Variants in GSE1 observed in about 807,000 individuals in gnomAD.
GSE1 encodes genetic suppressor element 1.
GSE1 carries 32 observed loss-of-function variants against 112.6 expected under a neutral mutation model. The observed-to-expected ratio is 0.28, with a 90% CI of 0.21 to 0.38. The LOEUF is 0.38. GSE1 is among the 10% of genes least tolerant of loss of function. The pLI is 1.00. For missense variants in GSE1, 2,348 were observed against 1,699.2 expected, an observed-to-expected ratio of 1.38 and a Z score of -6.71; for synonymous variants, 1,115 against 735.6, an observed-to-expected ratio of 1.52 and a Z score of -8.35.
At chr16:85,242,104 G>A (rs1905215503) in intron 1 of GSE1, among the ~76,000 whole-genome samples, 2 of 152,326 alleles carry the variant, frequency 1.3e-5, no homozygotes, top group African/African-American at 4.8e-5. Flanking sequence ...TTGTGCTGGT[G>A]CTCACTGGCA....
intron 2 of GSE1, among the ~76,000 whole-genome samples, chr16:85,540,228 G>A (rs1368749225): frequency 2.0e-5 from 3 of 152,202 alleles, no homozygotes; most frequent in South Asian, 2.1e-4. Flanking sequence ...TCAGGAGGAC[G>A]TACACGTCTG....
intron 2 of GSE1, among the ~76,000 whole-genome samples, chr16:85,477,004 A>G (rs7189247): frequency 0.46 from 67,397 of 147,588 alleles, 15,891 homozygotes; most frequent in Non-Finnish European, 0.5. Flanking sequence ...TACTAACTGC[A>G]ACCTCCACTT....
At chr16:85,180,023 G>A (rs1026190219) in intron 1 of GSE1, among the ~76,000 whole-genome samples, 6 of 152,248 alleles carry the variant, frequency 3.9e-5, no homozygotes, top group African/African-American at 1.4e-4. Context: ...TTGGCGGGGG[G>A]CTGTGGGGCA....
intron 2 of GSE1, among the ~76,000 whole-genome samples, chr16:85,445,676 C>G (rs1397603145): frequency 6.6e-6 from 1 of 152,184 alleles, no homozygotes; most frequent in Non-Finnish European, 1.5e-5. Flanking sequence ...TTCTGCTTCC[C>G]TTGCAAGGCC....
chr16:85,382,043 C>G (rs1269279576), intron 2 of GSE1, among the ~76,000 whole-genome samples: 1 of 152,232 alleles, frequency 6.6e-6, no homozygotes, highest in Non-Finnish European at 1.5e-5. Flanking sequence ...CTCCACAGAG[C>G]CCCGGCTTTC....
At chr16:85,613,000 G>T (rs1051397992), upstream of GSE1, among the ~76,000 whole-genome samples, 1 of 152,202 alleles carries the variant, frequency 6.6e-6, no homozygotes, top group African/African-American at 2.4e-5. Context: ...AGAGTGTGGG[G>T]GTGGCACCTC....
intron 2 of GSE1, among the ~76,000 whole-genome samples, chr16:85,512,990 G>A (rs1343566220): frequency 6.6e-6 from 1 of 152,160 alleles, no homozygotes; most frequent in Non-Finnish European, 1.5e-5. Flanking sequence ...CTGCCATGGG[G>A]AGCTCTGGAA....
chr16:85,290,325 C>A (rs1451162911), intron 1 of GSE1, among the ~76,000 whole-genome samples: 1 of 152,220 alleles, frequency 6.6e-6, no homozygotes, highest in African/African-American at 2.4e-5. Context: ...CCCCAGGCCC[C>A]CAACCTGGAG....
intron 1 of GSE1, among the ~76,000 whole-genome samples, chr16:85,314,575 C>T (rs78234457): frequency 0.059 from 9,034 of 152,204 alleles, 327 homozygotes; most frequent in East Asian, 0.17. Context: ...CACACGTGAG[C>T]ATGTGCACAC....
chr16:85,208,603 T>A (rs12449263), intron 1 of GSE1, among the ~76,000 whole-genome samples: 64,417 of 151,978 alleles, frequency 0.42, 13,797 homozygotes, highest in Middle Eastern at 0.48. Context: ...AAGGACCAGA[T>A]TGTAGATACC....
chr16:85,280,207 G>C (rs1481197395), intron 1 of GSE1, among the ~76,000 whole-genome samples: 1 of 152,168 alleles, frequency 6.6e-6, no homozygotes, highest in East Asian at 1.9e-4. Context: ...CCTGGCCCAG[G>C]AGTCGGAGGT....
At chr16:85,445,993 C>T (rs920007561) in intron 2 of GSE1, among the ~76,000 whole-genome samples, 6 of 152,214 alleles carry the variant, frequency 3.9e-5, no homozygotes. Context: ...GGAGGTTCCA[C>T]GGGTAACGGC....
intron 2 of GSE1, among the ~76,000 whole-genome samples, chr16:85,520,716 C>G (rs1057179368): frequency 6.6e-6 from 1 of 152,078 alleles, no homozygotes; most frequent in East Asian, 1.9e-4. Flanking sequence ...AGCCACCGCG[C>G]CTAGCCCCTG....
chr16:85,571,940 A>G (rs182835173), intron 1 of GSE1, among the ~76,000 whole-genome samples: 2 of 152,252 alleles, frequency 1.3e-5, no homozygotes, highest in South Asian at 2.1e-4. Flanking sequence ...AGTGGTTTCC[A>G]TTGTCAAGTG....
chr16:85,386,042 C>T (rs1031882220), intron 2 of GSE1, among the ~76,000 whole-genome samples: 8 of 152,228 alleles, frequency 5.3e-5, no homozygotes, highest in South Asian at 2.1e-4. Flanking sequence ...CTGGGCCTCC[C>T]GTGGCCATGG....
Position 85,613,420 on chromosome 16 carries a change from G to T in GSE1, c.7+22G>T, listed in dbSNP as rs756126377. ...AAAGGTGAGCGCGCCGCACCCGGCC[G>T]GGGACGGGGTCCTCCCCCCTCCCCC... On this transcript the variant is annotated intron_variant, in intron 1 of 15. Transcript: ENST00000253458. The T allele has an allele frequency of 1.0e-5, 16 of 1,547,240 alleles. No homozygotes were observed. The African/African-American group carries it at 1.8e-4, about 17-fold the overall frequency.
chr16:85,290,584 T>C (rs995349021), intron 1 of GSE1, among the ~76,000 whole-genome samples: 2 of 152,014 alleles, frequency 1.3e-5, no homozygotes, highest in African/African-American at 4.8e-5. Context: ...CAGACCAAAA[T>C]CCAGGCCACA....
intron 1 of GSE1, among the ~76,000 whole-genome samples, chr16:85,617,714 G>GC (rs546550363): frequency 6.7e-6 from 1 of 149,962 alleles, no homozygotes; most frequent in African/African-American, 2.5e-5. Context: ...TCAATGCTTG[G>GC]CCCCCCTAAT....
intron 2 of GSE1, among the ~76,000 whole-genome samples, chr16:85,452,275 GTTAT>G (rs1477247741): frequency 7.2e-5 from 11 of 152,316 alleles, no homozygotes; most frequent in South Asian, 2.1e-4. Context: ...TGCCAGCGCG[GTTAT>G]TTATTTATTT....
Sources: gnomAD v4.1 joint callset for allele counts (sites outside exome capture counted in the v4.1 genomes callset) on GRCh38, gnomAD v4.1.1 for gene constraint, MANE v1.5 for transcripts, NCBI Gene and HGNC (gene_info 2026-07-23, HGNC 2026-07-21) for gene names.